Variants in ADGRV1 observed in about 807,000 individuals in gnomAD.
ADGRV1 encodes the protein adhesion G protein-coupled receptor V1, also known as G-protein coupled receptor 98.
In ADGRV1, 359 loss-of-function variants were observed where a neutral mutation model predicts 596.2. The ratio of observed to expected loss-of-function variants is 0.60; its 90% CI spans 0.55 to 0.66. The LOEUF (loss-of-function observed/expected upper bound fraction) is 0.66. ADGRV1 is among the 30% of genes least tolerant of loss of function. The probability of loss-of-function intolerance (pLI) is 0.00; values close to 1 mark genes in which losing one functional copy is unlikely to be tolerated. For missense variants in ADGRV1, 7,274 were observed against 7,575.6 expected (o/e 0.96, Z 1.48); for synonymous variants, 2,681 against 2,679.2 (o/e 1.00, Z -0.02).
intron 50 of ADGRV1, among the ~76,000 whole-genome samples, chr5:90,738,665 G>T (rs1306700083): frequency 3.3e-5 from 5 of 152,084 alleles, no homozygotes; most frequent in Non-Finnish European, 7.4e-5. Flanking sequence ...TTTCTGCTGA[G>T]AAATCTGCTA....
chr5:91,097,711 T>G (rs1038838342), intron 86 of ADGRV1, among the ~76,000 whole-genome samples: 2 of 152,178 alleles, frequency 1.3e-5, no homozygotes, highest in African/African-American at 4.8e-5. Context: ...AGGGTTCCAA[T>G]TGCTAAATAT....
chr5:91,016,963 A>G (rs1312429174), intron 85 of ADGRV1, among the ~76,000 whole-genome samples: 2 of 151,928 alleles, frequency 1.3e-5, no homozygotes, highest in East Asian at 3.9e-4. Context: ...TATGATTGGA[A>G]GACGTAGGGA....
Position 90,763,299 on chromosome 5 carries a change from T to C in ADGRV1, c.12121-6T>C. The C allele has an allele frequency of 6.5e-7, 1 of 1,527,222 alleles. No individual in the cohort carries two copies. Among genetic ancestry groups the C allele is most frequent in the South Asian group, 1.3e-5 (1 of 76,292 alleles). 94.6% of individuals were successfully genotyped at this position (1,527,222 alleles called of 1,614,324 possible). On this transcript the variant is annotated splice_region_variant and splice_polypyrimidine_tract_variant and intron_variant, in intron 58 of 89. Transcript: ENST00000405460. Reference sequence around the variant, plus strand: ...TGTTTGGCCTTACTGAATTTTCTTCTTTCAGGTAATGATTGATGAATCCCT... The same window carrying C: ...TGTTTGGCCTTACTGAATTTTCTTCCTTCAGGTAATGATTGATGAATCCCT...
intron 83 of ADGRV1, among the ~76,000 whole-genome samples, chr5:90,902,194 C>T (rs933500753): frequency 2.6e-5 from 4 of 152,152 alleles, no homozygotes; most frequent in Non-Finnish European, 4.4e-5. Flanking sequence ...CACCAATTAT[C>T]CACGTTATTT....
At chr5:90,965,350 T>C in intron 83 of ADGRV1, 65 bp from the exon 84 acceptor site, 1 of 1,030,988 alleles carries the variant, frequency 9.7e-7, no homozygotes, top group Non-Finnish European at 1.5e-6. Context: ...GAAAGCAGTT[T>C]ACTTTCTTAA....
intron 82 of ADGRV1, among the ~76,000 whole-genome samples, chr5:90,859,148 A>G (rs1408013706): frequency 6.6e-6 from 1 of 152,094 alleles, no homozygotes. Flanking sequence ...GGTGGGAGTG[A>G]GGCAAGTGGG....
intron 73 of ADGRV1, 111 bp downstream of exon 73, chr5:90,807,848 A>C: frequency 3.0e-6 from 3 of 1,006,108 alleles, no homozygotes; most frequent in Non-Finnish European, 4.2e-6. Context: ...AAACACAAAC[A>C]TAGTTTTAGT....
intron 82 of ADGRV1, among the ~76,000 whole-genome samples, chr5:90,857,295 A>C (rs754742783): frequency 1.5e-4 from 23 of 152,118 alleles, no homozygotes; most frequent in Non-Finnish European, 3.1e-4. Flanking sequence ...GTTGAAATAC[A>C]ATCTAGATGT....
At chr5:90,768,139 C>T (rs1235747758) in intron 59 of ADGRV1, among the ~76,000 whole-genome samples, 28 of 152,190 alleles carry the variant, frequency 1.8e-4, no homozygotes, top group Non-Finnish European at 4.4e-5. Flanking sequence ...ATAAAATCTA[C>T]ATTAAAATGG....
At position 90,627,997 on chromosome 5, in the gene ADGRV1, T is replaced by A. The variant is rs1288819485; in HGVS notation, c.1238+221T>A. 8 of 348,654 alleles carry A rather than the reference T, an allele frequency of 2.3e-5. 1 individual carries two copies. In the South Asian group the frequency reaches 2.6e-4, roughly 11 times the overall value. 21.6% of individuals were successfully genotyped at this position (348,654 alleles called of 1,614,324 possible). On this transcript the variant is annotated intron_variant, in intron 7 of 89. Transcript: ENST00000405460. ...CATTTTTTCTACCATGGCTTCACTGTTTTCTTTCTTATTTGGAGTGTGATT... is the reference window on the plus strand; with the variant it reads ...CATTTTTTCTACCATGGCTTCACTGATTTCTTTCTTATTTGGAGTGTGATT...
intron 85 of ADGRV1, among the ~76,000 whole-genome samples, chr5:91,044,267 G>A (rs1358091542): frequency 1.3e-5 from 2 of 151,918 alleles, no homozygotes; most frequent in Non-Finnish European, 2.9e-5. Context: ...CACAACATAA[G>A]CCTGATATTT....
Position 90,883,393 on chromosome 5 carries a change from C to T in ADGRV1, c.17856+19536C>T, listed in dbSNP as rs1360185575. Among the ~76,000 whole-genome samples the T allele has an allele frequency of 2.0e-5, 3 of 152,112 alleles. No homozygotes were observed. The South Asian group carries it at 6.2e-4, about 32-fold the overall frequency. ...TCTAATTTCTTCTTTCTTCCTATTA[C>T]TTTAGTAGGTATAAAATCCAGTAGT... On this transcript the variant is annotated intron_variant, in intron 83 of 89. Transcript: ENST00000405460.
intron 39 of ADGRV1, 78 bp from the exon 40 acceptor site, chr5:90,710,903 G>A: frequency 1.2e-6 from 1 of 800,214 alleles, no homozygotes; most frequent in Non-Finnish European, 2.1e-6. Flanking sequence ...ATTTCAAAGG[G>A]ACTGTCTTTA....
At chr5:90,676,402 G>A (rs1744227713) in intron 25 of ADGRV1, among the ~76,000 whole-genome samples, 193 bp downstream of exon 25, 1 of 152,132 alleles carries the variant, frequency 6.6e-6, no homozygotes, top group Non-Finnish European at 1.5e-5. Flanking sequence ...CATAATATAT[G>A]TGGTAATATA....
At chr5:90,593,449 C>T (rs898165142) in intron 1 of ADGRV1, among the ~76,000 whole-genome samples, 9 of 140,756 alleles carry the variant, frequency 6.4e-5, no homozygotes, top group African/African-American at 2.3e-4. Flanking sequence ...CAGGGCCTGC[C>T]GTGGGGTGGG....
At position 91,071,683 on chromosome 5, in the gene ADGRV1, A is replaced by AT. The variant is rs1054034513; in HGVS notation, c.18153-755dup. 5.3e-5 allele frequency among the ~76,000 whole-genome samples: 8 copies of AT among 150,920 alleles called. No homozygotes were observed. The South Asian group carries it at 6.3e-4, about 12-fold the overall frequency. On this transcript the variant is annotated intron_variant, in intron 85 of 89. Transcript: ENST00000405460. ...TTATTTATTTATTTTTATTTTATTA[A>AT]TTTTTTTTTGAGATGGAGTCTCCCT...
At chr5:90,694,914 T>C (rs1388173583) in intron 33 of ADGRV1, among the ~76,000 whole-genome samples, 1 of 152,190 alleles carries the variant, frequency 6.6e-6, no homozygotes, top group African/African-American at 2.4e-5. Flanking sequence ...ATCTTTTTAG[T>C]TTAAAAAATA....
chr5:90,744,315 T>C (rs1038092188), intron 50 of ADGRV1, among the ~76,000 whole-genome samples: 2 of 152,196 alleles, frequency 1.3e-5, no homozygotes, highest in African/African-American at 4.8e-5. Flanking sequence ...GGTTTCCTGA[T>C]AACATTTCAA....
intron 50 of ADGRV1, among the ~76,000 whole-genome samples, chr5:90,740,809 T>A (rs1484146593): frequency 6.6e-6 from 1 of 152,148 alleles, no homozygotes; most frequent in Non-Finnish European, 1.5e-5. Flanking sequence ...CTCTCTTCCC[T>A]CTGTAAAAAC....
Sources: gnomAD v4.1 joint callset for allele counts (sites outside exome capture counted in the v4.1 genomes callset) on GRCh38, gnomAD v4.1.1 for gene constraint, MANE v1.5 for transcripts, NCBI Gene and HGNC (gene_info 2026-07-23, HGNC 2026-07-21) for gene names.